GPC6: variants seen among roughly 807,000 people sequenced by gnomAD.
GPC6 encodes glypican-6.
Under a neutral mutation model 55.2 loss-of-function variants are expected in GPC6, and 14 were observed. The ratio of observed to expected loss-of-function variants is 0.25; its 90% confidence interval spans 0.17 to 0.40. The LOEUF is 0.40. GPC6 is among the 10% of genes least tolerant of loss of function. The pLI, the probability that GPC6 is intolerant of heterozygous loss-of-function variation, is 1.00. For synonymous variants in GPC6, 278 were observed against 259.6 expected, an observed-to-expected ratio of 1.07 and a Z score of -0.68; for missense variants, 641 against 708.5, an observed-to-expected ratio of 0.90 and a Z score of 1.08.
intron 3 of GPC6, among the ~76,000 whole-genome samples, chr13:94,006,539 C>T (rs193182119): frequency 1.5e-4 from 23 of 152,256 alleles, no homozygotes; most frequent in African/African-American, 4.3e-4. Context: ...TTTGTTCTTA[C>T]GCTAGTTGAA....
intron 1 of GPC6, among the ~76,000 whole-genome samples, chr13:93,346,943 C>G (rs559691622): frequency 1.4e-4 from 22 of 152,090 alleles, no homozygotes; most frequent in Non-Finnish European, 2.4e-4. Context: ...TTAATACTTT[C>G]AATGTATCCA....
At chr13:93,728,437 C>T (rs917914971) in intron 2 of GPC6, among the ~76,000 whole-genome samples, 4 of 151,378 alleles carry the variant, frequency 2.6e-5, no homozygotes. Flanking sequence ...GACAGGGTCT[C>T]ACTATGTTGC....
chr13:94,266,726 G>C (rs1427668257), intron 4 of GPC6, among the ~76,000 whole-genome samples: 2 of 152,202 alleles, frequency 1.3e-5, no homozygotes, highest in East Asian at 3.8e-4. Context: ...AATGATAATT[G>C]CAAGTGTTGC....
At chr13:93,732,647 C>A (rs1367753479) in intron 2 of GPC6, among the ~76,000 whole-genome samples, 1 of 152,034 alleles carries the variant, frequency 6.6e-6, no homozygotes, top group Non-Finnish European at 1.5e-5. Context: ...GTTTCTGAAA[C>A]AAATTCAATA....
At chr13:93,286,970 C>T (rs907585099) in intron 1 of GPC6, among the ~76,000 whole-genome samples, 8 of 151,970 alleles carry the variant, frequency 5.3e-5, no homozygotes, top group South Asian at 2.1e-4. Context: ...CTTTGCTTTC[C>T]GGTGGTTCAA....
At chr13:93,232,996 T>C (rs1483573537) in intron 1 of GPC6, among the ~76,000 whole-genome samples, 2 of 152,212 alleles carry the variant, frequency 1.3e-5, no homozygotes, top group Non-Finnish European at 2.9e-5. Context: ...TAAGGTGATT[T>C]AGATTTATCT....
At chr13:93,522,173 C>CGCCT (rs1173978451) in intron 1 of GPC6, among the ~76,000 whole-genome samples, 1 of 151,826 alleles carries the variant, frequency 6.6e-6, no homozygotes, top group Non-Finnish European at 1.5e-5. Flanking sequence ...GGGGTCTCTG[C>CGCCT]GCCTGTCATT....
chr13:94,109,532 A>G (rs911879967), intron 4 of GPC6, among the ~76,000 whole-genome samples: 1 of 152,164 alleles, frequency 6.6e-6, no homozygotes, highest in African/African-American at 2.4e-5. Flanking sequence ...ACAGCATCAT[A>G]CCACCTAGAT....
intron 3 of GPC6, among the ~76,000 whole-genome samples, chr13:93,982,621 C>T (rs1594640724): frequency 6.6e-6 from 1 of 152,132 alleles, no homozygotes; most frequent in Admixed American, 6.6e-5. Context: ...TCCATATCCA[C>T]CAACTTACTA....
intron 2 of GPC6, among the ~76,000 whole-genome samples, chr13:93,706,432 G>T (rs560482103): frequency 6.6e-6 from 1 of 151,888 alleles, no homozygotes; most frequent in East Asian, 2.0e-4. Flanking sequence ...CATATTTCAG[G>T]AATAGTAATT....
chr13:93,764,591 CACA>C (rs1425799677), intron 2 of GPC6, among the ~76,000 whole-genome samples: 1 of 147,648 alleles, frequency 6.8e-6, no homozygotes, highest in East Asian at 2.0e-4. Context: ...TAAACACACA[CACA>C]CACACACACA....
At chr13:94,346,457 T>C (rs1878294907) in intron 6 of GPC6, among the ~76,000 whole-genome samples, 1 of 152,160 alleles carries the variant, frequency 6.6e-6, no homozygotes, top group Non-Finnish European at 1.5e-5. Flanking sequence ...GCACGGTGGC[T>C]CACGCCTCTA....
chr13:93,652,822 G>T (rs773382988), intron 2 of GPC6, among the ~76,000 whole-genome samples: 1 of 152,170 alleles, frequency 6.6e-6, no homozygotes, highest in Admixed American at 6.5e-5. Context: ...GACTTTGAAT[G>T]TTACATTTTG....
chr13:93,615,391 C>T (rs1887660), intron 2 of GPC6, among the ~76,000 whole-genome samples: 12 of 151,914 alleles, frequency 7.9e-5, no homozygotes, highest in African/African-American at 1.4e-4. Context: ...TCCCTTTTGT[C>T]GAGAGGATTC....
intron 6 of GPC6, among the ~76,000 whole-genome samples, chr13:94,317,877 G>A (rs1328110190): frequency 1.3e-5 from 2 of 152,102 alleles, no homozygotes; most frequent in South Asian, 4.1e-4. Context: ...GTGTGTGCAT[G>A]TGTGTGTGTT....
intron 4 of GPC6, among the ~76,000 whole-genome samples, chr13:94,252,958 G>GA (rs3043533): frequency 0.017 from 2,349 of 139,002 alleles, 60 homozygotes; most frequent in African/African-American, 0.056. Context: ...GAATAAAAAA[G>GA]AAAAAAAAAA....
chr13:94,079,549 G>A (rs191986673), intron 4 of GPC6, among the ~76,000 whole-genome samples: 65 of 152,208 alleles, frequency 4.3e-4, no homozygotes, highest in African/African-American at 1.4e-3. Flanking sequence ...TTTCACCCAT[G>A]GTGAGCTTAA....
intron 4 of GPC6, among the ~76,000 whole-genome samples, chr13:94,123,026 GA>G (rs1886688974): frequency 6.6e-6 from 1 of 151,972 alleles, no homozygotes; most frequent in African/African-American, 2.4e-5. Context: ...ATATCTTACT[GA>G]AATAGCTCAA....
chr13:93,218,810 C>T, the GPC6 span, among the ~76,000 whole-genome samples: 1 of 152,160 alleles, frequency 6.6e-6, no homozygotes, highest in Non-Finnish European at 1.5e-5. Context: ...TTTTCTTTGT[C>T]TTTCTGATGT....
Sources: allele counts gnomAD v4.1 joint callset (sites outside exome capture counted in the v4.1 genomes callset), GRCh38; gene constraint gnomAD v4.1.1; transcripts MANE v1.5; gene names NCBI Gene and HGNC (gene_info 2026-07-23, HGNC 2026-07-21).